Variants in SLC49A4 observed in about 807,000 individuals in gnomAD.
SLC49A4 encodes disrupted in renal cancer protein 2.
SLC49A4 carries 36 observed loss-of-function variants against 50.6 expected under a neutral mutation model. The observed-to-expected ratio is 0.71, with a 90% CI of 0.55 to 0.94. The LOEUF is 0.94. Ranked by LOEUF, SLC49A4 falls within the 40% of genes least tolerant of loss-of-function variation. The pLI is 0.00. For synonymous variants in SLC49A4, 248 were observed against 241.2 expected (o/e 1.03, Z -0.26); for missense variants, 503 against 605.7 (o/e 0.83, Z 1.78).
chr3:122,871,270 G>A (rs1268987905), intron 7 of SLC49A4, among the ~76,000 whole-genome samples: 1 of 152,028 alleles, frequency 6.6e-6, no homozygotes, highest in Non-Finnish European at 1.5e-5. Flanking sequence ...TAATGTAATT[G>A]GAGGGGAAGC....
At chr3:122,872,652 G>A (rs1171298913) in intron 8 of SLC49A4, 55 bp downstream of exon 8, 5 of 1,331,920 alleles carry the variant, frequency 3.8e-6, no homozygotes, top group Non-Finnish European at 5.1e-6. Flanking sequence ...AAAAGTTTGG[G>A]TCACTAGTGT....
chr3:122,849,938 T>G (rs1936903189), intron 5 of SLC49A4, among the ~76,000 whole-genome samples: 1 of 152,154 alleles, frequency 6.6e-6, no homozygotes, highest in Non-Finnish European at 1.5e-5. Flanking sequence ...ATGTTTTCTT[T>G]TAGTAGTTTC....
At chr3:122,839,135 A>G (rs912030978) in intron 4 of SLC49A4, among the ~76,000 whole-genome samples, 3 of 152,198 alleles carry the variant, frequency 2.0e-5, no homozygotes, top group African/African-American at 7.2e-5. Flanking sequence ...AAAAACATAA[A>G]TTGGAGAAAG....
intron 2 of SLC49A4, among the ~76,000 whole-genome samples, chr3:122,808,304 G>A (rs1936251729): frequency 6.6e-6 from 1 of 152,174 alleles, no homozygotes; most frequent in South Asian, 2.1e-4. Context: ...TACATAGTAT[G>A]TGCTATGGAG....
At chr3:122,865,332 G>A (rs963407270) in intron 7 of SLC49A4, among the ~76,000 whole-genome samples, 5 of 152,338 alleles carry the variant, frequency 3.3e-5, no homozygotes, top group African/African-American at 4.8e-5. Context: ...TAGAGGGCTT[G>A]ACTAGGTATC....
chr3:122,879,028 T>C (rs1217785570), intron 8 of SLC49A4, among the ~76,000 whole-genome samples: 1 of 152,198 alleles, frequency 6.6e-6, no homozygotes, highest in Non-Finnish European at 1.5e-5. Flanking sequence ...ATTAAATTGA[T>C]GAAAAGTTAT....
intron 2 of SLC49A4, among the ~76,000 whole-genome samples, chr3:122,815,387 C>G (rs567180738): frequency 5.6e-4 from 86 of 152,280 alleles, no homozygotes; most frequent in Non-Finnish European, 2.4e-4. Flanking sequence ...CCATGCCTGG[C>G]CTGTTTGTGT....
chr3:122,879,481 GAA>G lies in SLC49A4; in HGVS notation c.*105_*106del. ...CTAACAGGAAAAGAGGGAGAAGAAA[GAA>G]ACTTCATTCAGAGGTTTTGTTAGGT... On this transcript the variant is annotated 3_prime_UTR_variant, in exon 9 of 9. Coordinates refer to ENST00000261038, the MANE Select transcript of SLC49A4 (RefSeq NM_032839.3). The G allele has an allele frequency of 1.2e-6, 1 of 830,554 alleles. No individual in the cohort carries two copies. 51.4% of individuals were successfully genotyped at this position (830,554 alleles called of 1,614,324 possible). A position where few individuals can be genotyped will look rare whatever the true frequency, so the allele number is the denominator to read the frequency against.
chr3:122,838,993 A>G (rs1936731513), intron 4 of SLC49A4, among the ~76,000 whole-genome samples: 1 of 152,226 alleles, frequency 6.6e-6, no homozygotes, highest in Non-Finnish European at 1.5e-5. Context: ...AAATTATACT[A>G]CAAGGGTATA....
chr3:122,843,663 G>A (rs1213706670), intron 4 of SLC49A4, among the ~76,000 whole-genome samples: 1 of 152,086 alleles, frequency 6.6e-6, no homozygotes, highest in African/African-American at 2.4e-5. Flanking sequence ...TAATTTAATT[G>A]TTGAGGAGCC....
At chr3:122,863,205 C>T (rs1937077944) in intron 7 of SLC49A4, among the ~76,000 whole-genome samples, 1 of 152,170 alleles carries the variant, frequency 6.6e-6, no homozygotes, top group South Asian at 2.1e-4. Flanking sequence ...TGTCCACATT[C>T]CTTCTCTGAA....
At chr3:122,857,581 A>T (rs1201978552) in intron 6 of SLC49A4, among the ~76,000 whole-genome samples, 2 of 152,198 alleles carry the variant, frequency 1.3e-5, no homozygotes, top group African/African-American at 4.8e-5. Flanking sequence ...TGTTTCAGGG[A>T]TATTGAAAGA....
rs1159633881 is a variant in SLC49A4 at position 122,837,710 on chromosome 3, TG to T, written c.833+4267del. On this transcript the variant is annotated intron_variant, in intron 4 of 8. Coordinates refer to ENST00000261038, the MANE Select transcript of SLC49A4 (RefSeq NM_032839.3). ...GGCAACAAAAGCCAAAATTGACAAATGGGATCTAATTAAACTAAAGAGCTTC... is the reference window on the plus strand; with the variant it reads ...GGCAACAAAAGCCAAAATTGACAAATGGATCTAATTAAACTAAAGAGCTTC... 3.3e-5 allele frequency among the ~76,000 whole-genome samples: 5 copies of T among 151,944 alleles called. No individual in the cohort carries two copies. The South Asian group carries it at 1.0e-3, about 32-fold the overall frequency.
chr3:122,874,731 C>T (rs1215279935), intron 8 of SLC49A4, among the ~76,000 whole-genome samples: 1 of 152,124 alleles, frequency 6.6e-6, no homozygotes, highest in African/African-American at 2.4e-5. Flanking sequence ...CCCTATGAAA[C>T]TATAAATAAT....
Position 122,875,469 on chromosome 3 carries a change from G to C in SLC49A4, c.1321+2872G>C, listed in dbSNP as rs542518749. On this transcript the variant is annotated intron_variant, in intron 8 of 8. Coordinates refer to ENST00000261038, the MANE Select transcript of SLC49A4 (RefSeq NM_032839.3). ...AGCCTCAAGTGATCCTCCCACCTCA[G>C]CCTCCCAAGTAGCTGGGACCACAAG... Among the ~76,000 whole-genome samples, 11 of 152,180 alleles carry C rather than the reference G, an allele frequency of 7.2e-5. No homozygotes were observed. The South Asian group carries it at 2.3e-3, about 32-fold the overall frequency.
At chr3:122,813,095 C>CA (rs1307941458) in intron 2 of SLC49A4, among the ~76,000 whole-genome samples, 1 of 151,960 alleles carries the variant, frequency 6.6e-6, no homozygotes, top group Non-Finnish European at 1.5e-5. Context: ...ACTAAAAATA[C>CA]AAAAATTAGC....
chr3:122,836,749 A>G (rs1030115692), intron 4 of SLC49A4, among the ~76,000 whole-genome samples: 2 of 152,182 alleles, frequency 1.3e-5, no homozygotes, highest in Non-Finnish European at 2.9e-5. Flanking sequence ...AGGGTATTCA[A>G]TTAGGAAAAG....
rs1214334211 is a variant in SLC49A4 at position 122,859,361 on chromosome 3, G to A, written c.1011-714G>A. 5.3e-5 allele frequency among the ~76,000 whole-genome samples: 8 copies of A among 152,184 alleles called. No homozygotes were observed. The East Asian group carries it at 1.2e-3, about 22-fold the overall frequency. On this transcript the variant is annotated intron_variant, in intron 6 of 8. Coordinates refer to ENST00000261038, the MANE Select transcript of SLC49A4 (RefSeq NM_032839.3). The stretch of plus-strand genomic sequence containing the variant: ...AAGAGAGAGCAGGGCCAGGCAGCAG[G>A]TCACATAGGACCTCAGAGGCTCTGG...
intron 5 of SLC49A4, among the ~76,000 whole-genome samples, chr3:122,846,173 A>G (rs1936846711): frequency 6.6e-6 from 1 of 152,208 alleles, no homozygotes; most frequent in Non-Finnish European, 1.5e-5. Context: ...CGTACCTTAT[A>G]AAGAAGATTA....
Sources: gnomAD v4.1 joint callset for allele counts (sites outside exome capture counted in the v4.1 genomes callset) on GRCh38, gnomAD v4.1.1 for gene constraint, MANE v1.5 for transcripts, NCBI Gene and HGNC (gene_info 2026-07-23, HGNC 2026-07-21) for gene names.